Variants in RNF123 observed in about 807,000 individuals in gnomAD.
RNF123 encodes the protein ring finger protein 123.
Under a neutral mutation model 168.5 loss-of-function variants are expected in RNF123, and 86 were observed. The ratio of observed to expected loss-of-function variants is 0.51; its 90% CI spans 0.43 to 0.61. The LOEUF is 0.61. Ranked by LOEUF, RNF123 falls within the 20% of genes least tolerant of loss-of-function variation. The pLI is 0.00. For synonymous variants in RNF123, 666 were observed against 689.1 expected, an observed-to-expected ratio of 0.97 and a Z score of 0.52; for missense variants, 1,419 against 1,729.7, an observed-to-expected ratio of 0.82 and a Z score of 3.19.
chr3:49,715,867 C>T lies in RNF123; in HGVS notation c.3196C>T (p.Arg1066Trp), dbSNP rs1323896908. The T allele has an allele frequency of 1.9e-6, 3 of 1,613,894 alleles. No homozygotes were observed. The highest frequency in any genetic ancestry group is 1.3e-5 in the African/African-American group (1 of 74,934). The change falls in exon 33 of 39, where the codon CGG (arginine) becomes TGG (tryptophan). Residue 1066 changes from arginine (R) to tryptophan (W), a missense_variant. Physicochemically the swap from Arg to Trp is moderately radical, Grantham distance 101. Transcript: ENST00000327697. ...ERLERNFVDS[R>W]QLKVCATCFD... ...CCTGGAGCGGAACTTTGTGGACAGC[C>T]GGCAGCTCAAGGTATGTGCCACCTG... is the stretch of plus-strand genomic sequence containing the variant.
chr3:49,702,858 G>A, intron 20 of RNF123, 105 bp downstream of exon 20: 1 of 1,541,542 alleles, frequency 6.5e-7, no homozygotes, highest in Non-Finnish European at 8.8e-7. Flanking sequence ...GGGCTGTGGG[G>A]AGTTGTCCCC....
intron 20 of RNF123, 22 bp from the exon 21 acceptor site, chr3:49,703,405 T>G: frequency 6.2e-7 from 1 of 1,602,862 alleles, no homozygotes; most frequent in Non-Finnish European, 8.5e-7. Flanking sequence ...ACCACTGGCC[T>G]AGCCTCCTCA....
chr3:49,721,203 C>T lies in RNF123; in HGVS notation c.3843C>T (p.His1281=), dbSNP rs2080398604. ...HKSCKACINQ[H]LMNNKDCFFC... The stretch of plus-strand genomic sequence containing the variant: ...GTTGTAGAGCCTGTATCAACCAGCA[C>T]CTGATGAACAACAAGGACTGCTTCT... Residue 1281 remains histidine (H), a synonymous_variant, in exon 39 of 39, where the codon CAC becomes CAT. Transcript: ENST00000327697. 1 of 1,614,224 alleles carries T rather than the reference C, an allele frequency of 6.2e-7. No individual in the cohort carries two copies. The highest frequency in any genetic ancestry group is 8.5e-7 in the Non-Finnish European group (1 of 1,180,042).
In RNF123 at chr3:49,699,777, G is replaced by A. The variant is rs746924293; in HGVS notation, c.984+5G>A. On this transcript the variant is annotated splice_donor_5th_base_variant and intron_variant, in intron 12 of 38. Coordinates refer to ENST00000327697, the MANE Select transcript of RNF123 (RefSeq NM_022064.5). This position sits in a 1 kb window ranked among gnomAD's most constrained non-coding sequence, Gnocchi z 4.8. ...CATCACTTTGCACCGCTTCTGGTGA[G>A]CGGCATTGGGAGGGGCATGGGAGGG... is the stretch of plus-strand genomic sequence containing the variant. 2.5e-6 allele frequency: 4 copies of A among 1,612,832 alleles called. No individual in the cohort carries two copies. The South Asian group carries it at 4.4e-5, about 18-fold the overall frequency.
intron 25 of RNF123, 37 bp downstream of exon 25, chr3:49,706,102 T>G (rs756978478): frequency 2.1e-5 from 33 of 1,573,044 alleles, no homozygotes; most frequent in Non-Finnish European, 2.6e-5. Flanking sequence ...GGCAGCTTGC[T>G]TACTCGTACA....
chr3:49,720,664 T>C lies in RNF123; in HGVS notation c.3643+11T>C. 1 of 1,596,312 alleles carries C rather than the reference T, an allele frequency of 6.3e-7. No individual in the cohort carries two copies. The highest frequency in any genetic ancestry group is 2.2e-5 in the East Asian group (1 of 44,538). On this transcript the variant is annotated intron_variant, in intron 36 of 38. Transcript: ENST00000327697. ...TCTCCCTGCAGAGCTGTGAGTGGGC[T>C]GGTGGGGCAGGTCAGGGAAATCTGG...
rs777303138 is a variant in RNF123, at chr3:49,712,568, G to T, written c.2586G>T (p.Met862Ile). 2.9e-5 allele frequency: 47 copies of T among 1,614,046 alleles called. No individual in the cohort carries two copies. In the East Asian group the frequency reaches 1.0e-3, roughly 34 times the overall value. ...GCACAGGGTCTCTCTTTGCCTTCAT[G>T]CCCGAGTTCTACCTGAGCGTGGCCA... The part of the protein sequence containing the change: ...GDRTGSLFAF[M>I]PEFYLSVAIN... Residue 862 changes from methionine to isoleucine, a missense_variant, in exon 27 of 39, where the codon ATG becomes ATT. By Grantham distance (10) the Met-to-Ile change is conservative. This residue lies in a region of RNF123 where 538 missense variants were observed against 708.8 expected (regional missense o/e 0.76). Transcript: ENST00000327697.
intron 8 of RNF123, 96 bp from the exon 9 acceptor site, chr3:49,698,659 T>C: frequency 6.5e-7 from 1 of 1,539,926 alleles, no homozygotes; most frequent in Non-Finnish European, 8.9e-7. Context: ...TCCTTGTGGC[T>C]AGTCTCCCTT....
At position 49,699,898 on chromosome 3, in the gene RNF123, A is replaced by T; in HGVS notation, c.984+126A>T. The T allele has an allele frequency of 2.1e-6, 2 of 962,900 alleles. No homozygotes were observed. Among genetic ancestry groups the T allele is most frequent in the East Asian group, 2.6e-5 (1 of 38,266 alleles). The allele number at this position is 962,900 out of a possible 1,614,324, so 59.6% of individuals were successfully genotyped here. On this transcript the variant is annotated intron_variant, in intron 12 of 38. Coordinates refer to ENST00000327697, the MANE Select transcript of RNF123 (RefSeq NM_022064.5). The surrounding 1 kb of genome is among the most constrained non-coding windows in gnomAD (Gnocchi z 4.8). ...CACAGCATCACCTGGCGAGGGCCCC[A>T]TGTGACCAGGGCCCTCAGACCTCAG...
Position 49,721,369 on chromosome 3 carries a change from TTA to T in RNF123, c.*66_*67del. The T allele has an allele frequency of 6.2e-7, 1 of 1,606,428 alleles. No individual in the cohort carries two copies. Reference sequence around the variant, plus strand: ...AACCCAGAGCCAGGCTGGGCCCTATTTATGAGCTCCCTTTGCCCTTCTCCTGT... The same window carrying T: ...AACCCAGAGCCAGGCTGGGCCCTATTTGAGCTCCCTTTGCCCTTCTCCTGT... On this transcript the variant is annotated 3_prime_UTR_variant, in exon 39 of 39. Coordinates refer to ENST00000327697, the MANE Select transcript of RNF123 (RefSeq NM_022064.5).
intron 31 of RNF123, 56 bp from the exon 32 acceptor site, chr3:49,715,499 GGGCGAGGACAGAGGCAAACA>G: frequency 6.4e-7 from 1 of 1,566,808 alleles, no homozygotes; most frequent in Non-Finnish European, 8.7e-7. Flanking sequence ...AAGCCTCAAT[GGGCGAGGACAGAGGCAAACA>G]GGCAGAGGCC....
intron 35 of RNF123, 91 bp downstream of exon 35, chr3:49,716,568 A>G: frequency 9.0e-7 from 1 of 1,115,346 alleles, no homozygotes; most frequent in South Asian, 1.4e-5. Context: ...CAGTTTCCTC[A>G]TCTGGAAAAT....
chr3:49,701,785 G>T, intron 16 of RNF123, 26 bp from the exon 17 acceptor site: 1 of 1,556,980 alleles, frequency 6.4e-7, no homozygotes. Context: ...TGACCCTGCT[G>T]TATTCCACCT....
chr3:49,691,006 C>T (rs1025400217), intron 1 of RNF123, 124 bp from the exon 2 acceptor site: 4 of 618,424 alleles, frequency 6.5e-6, no homozygotes, highest in Non-Finnish European at 1.2e-5. Context: ...TTCCCCTGCC[C>T]TATGTGTTAG....
intron 35 of RNF123, chr3:49,719,803 G>C (rs1394445463): frequency 3.7e-6 from 1 of 267,532 alleles, no homozygotes; most frequent in East Asian, 8.0e-5. Flanking sequence ...GGCCCCGCAT[G>C]ACCGCCAGAT....
chr3:49,721,063 C>A lies in RNF123; in HGVS notation c.3782C>A (p.Pro1261His), dbSNP rs1273588838. 3 of 1,613,866 alleles carry A rather than the reference C, an allele frequency of 1.9e-6. No homozygotes were observed. The highest frequency in any genetic ancestry group is 1.7e-6 in the Non-Finnish European group (2 of 1,179,868). The change falls in exon 38 of 39, where the codon CCC (proline) becomes CAC (histidine). Residue 1261 changes from proline (P) to histidine (H), a missense_variant. Pro to His is a moderately conservative substitution (Grantham distance 77). Transcript: ENST00000327697. The stretch of plus-strand genomic sequence containing the variant: ...CTCTGCCCCATCTGCTATGCCCACC[C>A]CATCTCTGCTGTGTTCCAGCCCTGT... The part of the protein sequence containing the change: ...EDLCPICYAH[P>H]ISAVFQPCGH...
chr3:49,691,177 G>C lies in RNF123; in HGVS notation c.12G>C (p.Lys4Asn), dbSNP rs2054154516. 6.2e-7 allele frequency: 1 copy of C among 1,613,686 alleles called. No individual in the cohort carries two copies. Among genetic ancestry groups the C allele is most frequent in the Non-Finnish European group, 8.5e-7 (1 of 1,179,764 alleles). The change falls in exon 2 of 39, where the codon AAG (lysine) becomes AAC (asparagine). Residue 4 changes from lysine to asparagine, a missense_variant. Lys to Asn is a moderately conservative substitution (Grantham distance 94, BLOSUM62 0). Around this residue, in one of 5 missense-constraint regions of RNF123, gnomAD observed 318 missense variants for 446.6 expected, o/e 0.71. Transcript: ENST00000327697. ...ATGAGAGATGAAGGATGGCATCCAA[G>C]GGGGCCGGCATGTCTTTCTCCCGCA... is the stretch of plus-strand genomic sequence containing the variant. Reference protein sequence around the residue: MASKGAGMSFSRKS... With the variant: MASNGAGMSFSRKS...
intron 25 of RNF123, among the ~76,000 whole-genome samples, chr3:49,706,462 C>T (rs1419885071): frequency 6.6e-6 from 1 of 152,228 alleles, no homozygotes; most frequent in Non-Finnish European, 1.5e-5. Context: ...CTGACAGCCC[C>T]CACCCACCCC....
At chr3:49,706,122 A>C in intron 25 of RNF123, 57 bp downstream of exon 25, 1 of 1,495,662 alleles carries the variant, frequency 6.7e-7, no homozygotes, top group South Asian at 1.1e-5. Context: ...AGGTAACCAC[A>C]GATGAAGTCT....
Sources: allele counts gnomAD v4.1 joint callset (sites outside exome capture counted in the v4.1 genomes callset), GRCh38; gene constraint gnomAD v4.1.1; regional missense constraint gnomAD v4.1.1; non-coding constraint Gnocchi (gnomAD v3.1); transcripts MANE v1.5; gene names NCBI Gene and HGNC (gene_info 2026-07-23, HGNC 2026-07-21).